Variants in CHN2 observed in about 807,000 individuals in gnomAD.
CHN2 encodes beta-chimaerin.
CHN2 carries 35 observed loss-of-function variants against 56.3 expected under a neutral mutation model. That is an observed-to-expected ratio of 0.62 (90% CI 0.47 to 0.82). The LOEUF (loss-of-function observed/expected upper bound fraction) is 0.82. Among genes scored for constraint, CHN2 ranks in the 40% least tolerant of loss-of-function variants. The pLI is 0.00. For missense variants in CHN2, 491 were observed against 580.5 expected (o/e 0.85, Z 1.58); for synonymous variants, 210 against 212.8 (o/e 0.99, Z 0.12).
chr7:29,479,986 G>A, intron 6 of CHN2: 3 of 1,474,144 alleles, frequency 2.0e-6, no homozygotes, highest in Non-Finnish European at 2.7e-6. Context: ...GCCGGAGGCT[G>A]CTGCAGACAG....
chr7:29,398,566 A>C, intron 5 of CHN2, 80 bp downstream of exon 5: 1 of 877,688 alleles, frequency 1.1e-6, no homozygotes, highest in Non-Finnish European at 1.9e-6. Context: ...GAATTGTAGC[A>C]GAGTATACAT....
intron 2 of CHN2, among the ~76,000 whole-genome samples, chr7:29,168,602 A>G (rs1313413054): frequency 6.6e-6 from 1 of 152,182 alleles, no homozygotes; most frequent in African/African-American, 2.4e-5. Flanking sequence ...TTGGAGGTCC[A>G]GTGTTATGTG....
At chr7:29,281,064 A>C (rs1484778481) in intron 1 of CHN2, among the ~76,000 whole-genome samples, 1 of 152,230 alleles carries the variant, frequency 6.6e-6, no homozygotes, top group Non-Finnish European at 1.5e-5. Flanking sequence ...TATGCTTTTG[A>C]AAATTAAGCA....
Position 29,323,083 on chromosome 7 carries a change from G to A in CHN2, c.50-31542G>A, listed in dbSNP as rs565230218. Reference sequence around the variant, plus strand: ...GCAGGAGAAATGCTTGAAACTGGGAGGCAGAGGTCGCAGTTGAGCCAAGAT... The same window carrying A: ...GCAGGAGAAATGCTTGAAACTGGGAAGCAGAGGTCGCAGTTGAGCCAAGAT... On this transcript the variant is annotated intron_variant, in intron 1 of 12. Coordinates refer to ENST00000222792, the MANE Select transcript of CHN2 (RefSeq NM_004067.4). 5.8e-4 allele frequency among the ~76,000 whole-genome samples: 89 copies of A among 152,262 alleles called. No individual in the cohort carries two copies. In the South Asian group the frequency reaches 0.013, roughly 23 times the overall value.
chr7:29,195,047 G>T, intron 1 of CHN2, 57 bp downstream of exon 1: 1 of 1,536,646 alleles, frequency 6.5e-7, no homozygotes. Context: ...CACTGCCCTC[G>T]CCCCGCAGCC....
intron 1 of CHN2, among the ~76,000 whole-genome samples, chr7:29,312,030 A>G (rs1794639638): frequency 6.6e-6 from 1 of 152,146 alleles, no homozygotes; most frequent in Non-Finnish European, 1.5e-5. Context: ...AATTTTGGGT[A>G]TGATTTGAGG....
chr7:29,251,390 A>G (rs2128819156), intron 1 of CHN2, among the ~76,000 whole-genome samples: 1 of 152,144 alleles, frequency 6.6e-6, no homozygotes, highest in African/African-American at 2.4e-5. Context: ...GGAGGTCAAG[A>G]CTGCAGTGAG....
At chr7:29,252,187 ATTTT>A (rs3046893) in intron 1 of CHN2, among the ~76,000 whole-genome samples, 3 of 113,930 alleles carry the variant, frequency 2.6e-5, no homozygotes, top group African/African-American at 1.0e-4. Context: ...ATTATACAGG[ATTTT>A]TTTTTTTTTT....
At chr7:29,403,415 C>T (rs1440269925) in intron 6 of CHN2, among the ~76,000 whole-genome samples, 1 of 152,074 alleles carries the variant, frequency 6.6e-6, no homozygotes, top group Admixed American at 6.5e-5. Flanking sequence ...TTCTCAATTC[C>T]AGACACACCA....
chr7:29,382,203 A>G (rs936100768), intron 3 of CHN2, among the ~76,000 whole-genome samples: 5 of 152,156 alleles, frequency 3.3e-5, no homozygotes, highest in African/African-American at 9.7e-5. Context: ...ATGTGAATCA[A>G]CTCTTAACAG....
At chr7:29,234,071 G>A (rs1786972570) in intron 1 of CHN2, among the ~76,000 whole-genome samples, 1 of 150,928 alleles carries the variant, frequency 6.6e-6, no homozygotes, top group Non-Finnish European at 1.5e-5. Flanking sequence ...CTGACCTCGT[G>A]ATCCGCCCGC....
intron 12 of CHN2, among the ~76,000 whole-genome samples, chr7:29,510,906 T>TGGGACACTAGAACCTCTG (rs1423025969): frequency 1.3e-5 from 2 of 151,770 alleles, no homozygotes; most frequent in East Asian, 3.9e-4. Flanking sequence ...TGGATGTTTA[T>TGGGACACTAGAACCTCTG]GGGACACTAG....
chr7:29,247,639 C>A (rs1222093001), intron 1 of CHN2, among the ~76,000 whole-genome samples: 1 of 152,166 alleles, frequency 6.6e-6, no homozygotes, highest in Non-Finnish European at 1.5e-5. Context: ...GAAAACAAAA[C>A]AAAATACGCA....
At chr7:29,451,028 C>A (rs1316962484) in intron 6 of CHN2, among the ~76,000 whole-genome samples, 1 of 152,160 alleles carries the variant, frequency 6.6e-6, no homozygotes, top group Non-Finnish European at 1.5e-5. Context: ...CTCGGCCTCC[C>A]AAAGTGCTGG....
intron 6 of CHN2, among the ~76,000 whole-genome samples, chr7:29,466,992 T>C (rs148164392): frequency 6.6e-6 from 1 of 152,350 alleles, no homozygotes; most frequent in East Asian, 1.9e-4. Flanking sequence ...TTTTTAAATA[T>C]ACCTGTAAGC....
chr7:29,500,487 G>A (rs1341870034), intron 9 of CHN2, among the ~76,000 whole-genome samples: 5 of 152,132 alleles, frequency 3.3e-5, no homozygotes, highest in South Asian at 2.1e-4. Flanking sequence ...AATTAGCCAG[G>A]TGTGGTGGTG....
chr7:29,235,634 T>C (rs39074), intron 1 of CHN2, among the ~76,000 whole-genome samples: 117,920 of 152,174 alleles, frequency 0.77, 45,905 homozygotes, highest in East Asian at 0.93. Flanking sequence ...ATGGAATCAA[T>C]GTAGATGTCT....
In CHN2 at chr7:29,295,430, CA is replaced by C. The variant is rs1793064966; in HGVS notation, c.50-59194del. Among the ~76,000 whole-genome samples the C allele has an allele frequency of 2.0e-5, 3 of 151,518 alleles. No homozygotes were observed. In the South Asian group the frequency reaches 6.3e-4, roughly 32 times the overall value. ...TAGAAAATGCCTTGGACACTAAAGG[CA>C]CTCAGAATTGTAATGAAATGGAAAC... is the stretch of plus-strand genomic sequence containing the variant. On this transcript the variant is annotated intron_variant, in intron 1 of 12. Coordinates refer to ENST00000222792, the MANE Select transcript of CHN2 (RefSeq NM_004067.4).
chr7:29,470,071 C>T (rs1383139775), intron 6 of CHN2, among the ~76,000 whole-genome samples: 1 of 152,210 alleles, frequency 6.6e-6, no homozygotes, highest in African/African-American at 2.4e-5. Flanking sequence ...CTGTGTTCCC[C>T]TGGAATATTT....
Sources: gnomAD v4.1 joint callset for allele counts (sites outside exome capture counted in the v4.1 genomes callset) on GRCh38, gnomAD v4.1.1 for gene constraint, MANE v1.5 for transcripts, NCBI Gene and HGNC (gene_info 2026-07-23, HGNC 2026-07-21) for gene names.